The following ATXN1 variants were observed in gnomAD, a reference collection of about 807,000 sequenced individuals.
The protein encoded by ATXN1 is ataxin-1.
In ATXN1, 8 loss-of-function variants were observed where a neutral mutation model predicts 56.4. The ratio of observed to expected loss-of-function variants is 0.14; its 90% CI spans 0.08 to 0.26. ATXN1 has a LOEUF of 0.26. Among genes scored for constraint, ATXN1 ranks in the 10% least tolerant of loss-of-function variants. The pLI is 1.00. For missense variants in ATXN1, 987 were observed against 1,106.5 expected (o/e 0.89, Z 1.53); for synonymous variants, 514 against 494.6 (o/e 1.04, Z -0.52).
intron 7 of ATXN1, among the ~76,000 whole-genome samples, chr6:16,312,776 A>G (rs1458853240): frequency 6.6e-6 from 1 of 152,162 alleles, no homozygotes. Context: ...CCAAATGTCT[A>G]TGGTCCTCAG....
chr6:16,760,735 G>A lies in ATXN1; in HGVS notation c.-730+563C>T, dbSNP rs1761063338. ...CGCGGAGAAGTCCAGCCCTCCGTGA[G>A]ACCCCCTCTCTCTCACCGCCCTCTC... On this transcript the variant is annotated intron_variant, in intron 1 of 7. Coordinates refer to ENST00000436367, the MANE Select transcript of ATXN1 (RefSeq NM_001128164.2). This position sits in a 1 kb window ranked among gnomAD's most constrained non-coding sequence, Gnocchi z 5.3. Among the ~76,000 whole-genome samples, 1 of 151,228 alleles carries A rather than the reference G, an allele frequency of 6.6e-6. No homozygotes were observed.
At chr6:16,465,360 G>A (rs1196622392) in intron 6 of ATXN1, among the ~76,000 whole-genome samples, 1 of 152,250 alleles carries the variant, frequency 6.6e-6, no homozygotes, top group East Asian at 1.9e-4. Flanking sequence ...GGGAGGCTGA[G>A]GCAGGAGAAT....
At chr6:16,428,177 G>C (rs1759198682) in intron 6 of ATXN1, among the ~76,000 whole-genome samples, 2 of 145,186 alleles carry the variant, frequency 1.4e-5, no homozygotes, top group Admixed American at 1.4e-4. Flanking sequence ...GGAGTGCAAT[G>C]GGGCAATCTC....
rs1178167324 is a variant in ATXN1 at position 16,535,761 on chromosome 6, C to T, written c.-360-13073G>A. On this transcript the variant is annotated intron_variant, in intron 4 of 7. Transcript: ENST00000436367. ...GGGTGTGTGTGAGTGTGTCTGTGTACAAAGAGTAACTTTAAAGTTGACAAA... is the reference window on the plus strand; with the variant it reads ...GGGTGTGTGTGAGTGTGTCTGTGTATAAAGAGTAACTTTAAAGTTGACAAA... Among the ~76,000 whole-genome samples, 12 of 152,224 alleles carry T rather than the reference C, an allele frequency of 7.9e-5. No individual in the cohort carries two copies. In the East Asian group the frequency reaches 2.1e-3, roughly 27 times the overall value.
intron 6 of ATXN1, among the ~76,000 whole-genome samples, chr6:16,455,219 T>C (rs1473051466): frequency 1.3e-5 from 2 of 152,158 alleles, no homozygotes; most frequent in African/African-American, 4.8e-5. Context: ...GTAGAAAACT[T>C]CACTATTAGA....
At chr6:16,330,988 T>C (rs1447091295) in intron 6 of ATXN1, among the ~76,000 whole-genome samples, 2 of 152,102 alleles carry the variant, frequency 1.3e-5, no homozygotes, top group African/African-American at 2.4e-5. Context: ...ATGTCACTTA[T>C]TTACTCTCGC....
chr6:16,572,584 C>A (rs997714050), intron 4 of ATXN1, among the ~76,000 whole-genome samples: 1 of 152,028 alleles, frequency 6.6e-6, no homozygotes, highest in Admixed American at 6.6e-5. Flanking sequence ...AGTGGAAATT[C>A]GTGAAATAAG....
chr6:16,526,216 T>C (rs1442757962), intron 4 of ATXN1, among the ~76,000 whole-genome samples: 1 of 151,924 alleles, frequency 6.6e-6, no homozygotes, highest in Non-Finnish European at 1.5e-5. Context: ...GAGTATTACA[T>C]TGAAGGAATG....
Position 16,328,021 on chromosome 6 carries a change from G to T in ATXN1, c.290C>A (p.Pro97His), listed in dbSNP as rs867470111. ...CGCGGCAGGCAGCGTGGTGGCCACG[G>T]GGACAGACCTGGGAGCGCTGGGCGG... ...YSPPSAPRSV[P>H]VATTLPAAYA... Residue 97 changes from proline to histidine, a missense_variant, in exon 7 of 8, where the codon CCC becomes CAC. By Grantham distance (77) the Pro-to-His change is moderately conservative. This residue lies in a region of ATXN1 where 723 missense variants were observed against 791.7 expected (regional missense o/e 0.91). Transcript: ENST00000436367. This position sits in a 1 kb window ranked among gnomAD's most constrained non-coding sequence, Gnocchi z 6.2. The T allele has an allele frequency of 6.2e-7, 1 of 1,613,754 alleles. No individual in the cohort carries two copies. The highest frequency in any genetic ancestry group is 8.5e-7 in the Non-Finnish European group (1 of 1,179,784).
intron 2 of ATXN1, among the ~76,000 whole-genome samples, chr6:16,742,222 A>G (rs1475120953): frequency 6.6e-6 from 1 of 152,200 alleles, no homozygotes. Context: ...GAAAAGTATC[A>G]GATCAGACAC....
intron 4 of ATXN1, among the ~76,000 whole-genome samples, chr6:16,568,457 T>C (rs1308230886): frequency 6.6e-6 from 1 of 152,218 alleles, no homozygotes; most frequent in African/African-American, 2.4e-5. Context: ...CATTTGTAAG[T>C]CATTTATTTG....
intron 2 of ATXN1, among the ~76,000 whole-genome samples, chr6:16,701,954 T>C (rs953352873): frequency 5.3e-5 from 8 of 152,112 alleles, no homozygotes; most frequent in Non-Finnish European, 1.0e-4. Flanking sequence ...AAGCTACCAA[T>C]GACTTTCTTC....
At chr6:16,366,600 T>C (rs1212371452) in intron 6 of ATXN1, among the ~76,000 whole-genome samples, 2 of 151,834 alleles carry the variant, frequency 1.3e-5, no homozygotes, top group African/African-American at 4.8e-5. Context: ...AGCCAACATA[T>C]TGAAACCCCT....
intron 6 of ATXN1, among the ~76,000 whole-genome samples, chr6:16,452,090 A>G (rs181685007): frequency 6.6e-6 from 1 of 152,306 alleles, no homozygotes; most frequent in East Asian, 1.9e-4. Context: ...CATGAACAAG[A>G]CAGATGCCTA....
intron 6 of ATXN1, among the ~76,000 whole-genome samples, chr6:16,372,165 T>C (rs1762053160): frequency 6.6e-6 from 1 of 152,214 alleles, no homozygotes. Context: ...ACACAGGAAG[T>C]TGAACATCTC....
At chr6:16,376,201 T>C (rs1372579014) in intron 6 of ATXN1, among the ~76,000 whole-genome samples, 1 of 152,234 alleles carries the variant, frequency 6.6e-6, no homozygotes, top group Non-Finnish European at 1.5e-5. Context: ...TCAATTTTCA[T>C]GCTTCATTAG....
intron 3 of ATXN1, among the ~76,000 whole-genome samples, chr6:16,593,046 T>C (rs764349807): frequency 1.3e-5 from 2 of 152,216 alleles, no homozygotes; most frequent in Non-Finnish European, 2.9e-5. Context: ...AATCTCTTGC[T>C]AGCTACAGAG....
At chr6:16,757,589 C>T (rs1760924776) in intron 1 of ATXN1, among the ~76,000 whole-genome samples, 1 of 152,130 alleles carries the variant, frequency 6.6e-6, no homozygotes, top group South Asian at 2.1e-4. Flanking sequence ...CTCATAAACC[C>T]CCTGGGAATA....
intron 3 of ATXN1, among the ~76,000 whole-genome samples, chr6:16,630,222 T>C (rs1298280845): frequency 1.3e-5 from 2 of 152,224 alleles, no homozygotes; most frequent in Non-Finnish European, 2.9e-5. Flanking sequence ...ACTTGGGCAC[T>C]TCTGCATTGT....
Sources: gnomAD v4.1 joint callset for allele counts (sites outside exome capture counted in the v4.1 genomes callset) on GRCh38, gnomAD v4.1.1 for gene constraint, gnomAD v4.1.1 regional missense constraint, Gnocchi (gnomAD v3.1) non-coding constraint, MANE v1.5 for transcripts, NCBI Gene and HGNC (gene_info 2026-07-23, HGNC 2026-07-21) for gene names.